GOLGA4: variants seen among roughly 807,000 people sequenced by gnomAD.
GOLGA4 encodes golgin subfamily A member 4.
A neutral mutation model predicts 265.9 loss-of-function variants in GOLGA4; 169 were observed. That is an observed-to-expected ratio of 0.64 (90% CI 0.56 to 0.72). The LOEUF is 0.72. Among genes scored for constraint, GOLGA4 ranks in the 30% least tolerant of loss-of-function variants. The pLI, the probability that GOLGA4 is intolerant of heterozygous loss-of-function variation, is 0.00. For synonymous variants in GOLGA4, 923 were observed against 855.8 expected (o/e 1.08, Z -1.37); for missense variants, 2,482 against 2,483.4 (o/e 1.00, Z 0.01).
At chr3:37,321,677 C>A in intron 12 of GOLGA4, 54 bp from the exon 13 acceptor site, 1 of 1,490,586 alleles carries the variant, frequency 6.7e-7, no homozygotes, top group Non-Finnish European at 9.1e-7. Context: ...AAGTACTTTG[C>A]GAATGCTGAA....
intron 5 of GOLGA4, among the ~76,000 whole-genome samples, chr3:37,292,729 T>C (rs80012541): frequency 0.038 from 5,829 of 152,122 alleles, 143 homozygotes; most frequent in African/African-American, 0.056. Context: ...GAAGGACATA[T>C]TCCCAGGATA....
At chr3:37,330,532 GAGAC>G (rs1333480969) in intron 16 of GOLGA4, among the ~76,000 whole-genome samples, 1 of 152,160 alleles carries the variant, frequency 6.6e-6, no homozygotes, top group Non-Finnish European at 1.5e-5. Context: ...AGGGAACAGA[GAGAC>G]AGGTTACCGT....
intron 2 of GOLGA4, among the ~76,000 whole-genome samples, chr3:37,278,802 CAGTT>C (rs2150753657): frequency 6.6e-6 from 1 of 150,586 alleles, no homozygotes; most frequent in African/African-American, 2.4e-5. Context: ...TGCCTTCACT[CAGTT>C]TGTTTACTTT....
At chr3:37,318,547 G>T (rs1260818089) in intron 11 of GOLGA4, among the ~76,000 whole-genome samples, 1 of 151,268 alleles carries the variant, frequency 6.6e-6, no homozygotes, top group Non-Finnish European at 1.5e-5. Flanking sequence ...TGTCCAGTGG[G>T]CTCCCCCATT....
chr3:37,341,709 G>T (rs2097034862), intron 20 of GOLGA4: 1 of 152,096 alleles, frequency 6.6e-6, no homozygotes. Flanking sequence ...GTTAAGCAGG[G>T]TCAGGCCTGG....
At chr3:37,314,674 C>T (rs2096932523) in intron 10 of GOLGA4, among the ~76,000 whole-genome samples, 1 of 150,456 alleles carries the variant, frequency 6.6e-6, no homozygotes, top group Non-Finnish European at 1.5e-5. Flanking sequence ...CACACACACA[C>T]ACACACACGA....
intron 20 of GOLGA4, among the ~76,000 whole-genome samples, chr3:37,344,283 G>T (rs892538206): frequency 6.6e-6 from 1 of 152,162 alleles, no homozygotes; most frequent in Non-Finnish European, 1.5e-5. Context: ...TGTATTTTTA[G>T]TAGAGATGGG....
At chr3:37,288,163 G>A (rs4336065) in intron 4 of GOLGA4, among the ~76,000 whole-genome samples, 45,382 of 144,012 alleles carry the variant, frequency 0.32, 7,916 homozygotes, top group Non-Finnish European at 0.4. Context: ...CTGCAGTGGT[G>A]CGATCTTGGC....
intron 4 of GOLGA4, 68 bp downstream of exon 4, chr3:37,286,129 T>C (rs1434667830): frequency 3.6e-6 from 2 of 548,732 alleles, no homozygotes; most frequent in Non-Finnish European, 6.5e-6. Flanking sequence ...TATAGTAAGA[T>C]ATTTCTTTCT....
At chr3:37,243,758 C>T (rs1489140293) in intron 1 of GOLGA4, 136 bp downstream of exon 1, 2 of 678,758 alleles carry the variant, frequency 2.9e-6, no homozygotes, top group Non-Finnish European at 5.0e-6. Context: ...AACTCCGGAC[C>T]CAGAAGGAGC....
At chr3:37,361,773 A>G (rs1343403386) in intron 23 of GOLGA4, among the ~76,000 whole-genome samples, 1 of 152,234 alleles carries the variant, frequency 6.6e-6, no homozygotes, top group Non-Finnish European at 1.5e-5. Context: ...AGTAAGATCA[A>G]TTTTAAAATA....
intron 2 of GOLGA4, among the ~76,000 whole-genome samples, chr3:37,257,155 T>A (rs1029527546): frequency 6.6e-6 from 1 of 152,216 alleles, no homozygotes; most frequent in Admixed American, 6.5e-5. Context: ...ATATTTCATA[T>A]AAATGGAATC....
rs760098776 is a variant in GOLGA4, at chr3:37,326,839, TAAG to T, written c.4957_4959del (p.Lys1653del). 3 of 1,613,516 alleles carry T rather than the reference TAAG, an allele frequency of 1.9e-6. No homozygotes were observed. Among genetic ancestry groups the T allele is most frequent in the Admixed American group, 3.3e-5 (2 of 59,938 alleles). ...AAGCTGAACAAAAAATTGCTGCCATTAAGAAGCAGTTGTTATCTCAAATGGAAG... is the reference window on the plus strand; with the variant it reads ...AAGCTGAACAAAAAATTGCTGCCATTAAGCAGTTGTTATCTCAAATGGAAG... On this transcript the variant is annotated inframe_deletion, in exon 14 of 24. Transcript: ENST00000361924.
At chr3:37,319,328 G>A (rs1361982645) in intron 12 of GOLGA4, 134 bp downstream of exon 12, 1 of 612,028 alleles carries the variant, frequency 1.6e-6, no homozygotes, top group East Asian at 3.0e-5. Context: ...AGAGAGGATA[G>A]AGAGTAGGCA....
At chr3:37,286,399 C>T (rs915391902) in intron 4 of GOLGA4, among the ~76,000 whole-genome samples, 4 of 151,170 alleles carry the variant, frequency 2.6e-5, no homozygotes, top group South Asian at 2.1e-4. Context: ...ATGATCCACC[C>T]GCCTCGGCCT....
intron 9 of GOLGA4, among the ~76,000 whole-genome samples, chr3:37,300,336 G>A (rs1211440429): frequency 2.6e-5 from 4 of 152,124 alleles, no homozygotes; most frequent in Non-Finnish European, 4.4e-5. Flanking sequence ...TCTTTAATAT[G>A]CCGGGTTATC....
intron 2 of GOLGA4, among the ~76,000 whole-genome samples, chr3:37,258,203 T>C (rs2096759318): frequency 6.8e-6 from 1 of 146,618 alleles, no homozygotes; most frequent in Non-Finnish European, 1.5e-5. Flanking sequence ...ATGTATGATA[T>C]ATATAGCATA....
chr3:37,254,987 GAAC>G (rs1429573513), intron 2 of GOLGA4, among the ~76,000 whole-genome samples: 3 of 149,752 alleles, frequency 2.0e-5, no homozygotes, highest in Non-Finnish European at 3.0e-5. Flanking sequence ...CTGTCCTATA[GAAC>G]AATAGCATTT....
chr3:37,320,827 A>C (rs1042041242), intron 12 of GOLGA4, among the ~76,000 whole-genome samples: 2 of 152,190 alleles, frequency 1.3e-5, no homozygotes, highest in African/African-American at 4.8e-5. Context: ...TGGACTATTA[A>C]AATTTCCTCC....
Sources: gnomAD v4.1 joint callset for allele counts (sites outside exome capture counted in the v4.1 genomes callset) on GRCh38, gnomAD v4.1.1 for gene constraint, MANE v1.5 for transcripts, NCBI Gene and HGNC (gene_info 2026-07-23, HGNC 2026-07-21) for gene names.